PLD5: variants seen among roughly 807,000 people sequenced by gnomAD.
The protein encoded by PLD5 is inactive phospholipase D5.
In PLD5, 36 loss-of-function variants were observed where a neutral mutation model predicts 61.1. That is an observed-to-expected ratio of 0.59 (90% CI 0.45 to 0.78). PLD5 has a LOEUF of 0.78. Ranked by LOEUF, PLD5 falls within the 30% of genes least tolerant of loss-of-function variation. The pLI is 0.00. For synonymous variants in PLD5, 243 were observed against 242.8 expected (o/e 1.00, Z -0.01); for missense variants, 515 against 644.4 (o/e 0.80, Z 2.17).
chr1:242,524,259 G>A lies in PLD5; in HGVS notation c.18C>T (p.His6=). Reference sequence around the variant, plus strand: ...CATGGGGGGAGGCCGAGAGCCACTCGTGCTGCCGGATCTCCATCCTGACAT... The same window carrying A: ...CATGGGGGGAGGCCGAGAGCCACTCATGCTGCCGGATCTCCATCCTGACAT... MEIRQ[H]EWLSASPHEG... Residue 6 remains histidine (H), a synonymous_variant, in exon 1 of 10, where the codon CAC becomes CAT. Transcript: ENST00000536534. 1 of 1,487,534 alleles carries A rather than the reference G, an allele frequency of 6.7e-7. No homozygotes were observed. Among genetic ancestry groups the A allele is most frequent in the Non-Finnish European group, 8.9e-7 (1 of 1,123,296 alleles). The allele number at this position is 1,487,534 out of a possible 1,614,324, so 92.1% of individuals were successfully genotyped here.
intron 3 of PLD5, among the ~76,000 whole-genome samples, chr1:242,267,418 A>G (rs942729990): frequency 6.6e-6 from 1 of 152,178 alleles, no homozygotes; most frequent in African/African-American, 2.4e-5. Flanking sequence ...TGTGCCATGC[A>G]TGGAGGCTTC....
At chr1:242,351,858 CT>C (rs1184479476) in intron 1 of PLD5, among the ~76,000 whole-genome samples, 1 of 152,154 alleles carries the variant, frequency 6.6e-6, no homozygotes, top group African/African-American at 2.4e-5. Context: ...CATTTAGCAA[CT>C]ATATAAAACT....
At chr1:242,319,976 T>C (rs1252178002) in intron 2 of PLD5, among the ~76,000 whole-genome samples, 7 of 152,238 alleles carry the variant, frequency 4.6e-5, no homozygotes, top group Non-Finnish European at 1.0e-4. Flanking sequence ...CCTGCTTTTT[T>C]CCCTTTAAAT....
At chr1:242,354,519 C>T (rs1660647167) in intron 1 of PLD5, among the ~76,000 whole-genome samples, 1 of 152,142 alleles carries the variant, frequency 6.6e-6, no homozygotes, top group African/African-American at 2.4e-5. Context: ...AAGCCAAAAC[C>T]CTCCTGGACT....
At chr1:242,470,149 G>A (rs1667398442) in intron 1 of PLD5, among the ~76,000 whole-genome samples, 1 of 151,980 alleles carries the variant, frequency 6.6e-6, no homozygotes, top group Non-Finnish European at 1.5e-5. Flanking sequence ...AGACCATCCT[G>A]GCTAACACAG....
At chr1:242,284,105 T>C (rs1674872400) in intron 3 of PLD5, among the ~76,000 whole-genome samples, 1 of 135,746 alleles carries the variant, frequency 7.4e-6, no homozygotes, top group Non-Finnish European at 1.6e-5. Flanking sequence ...CTAAAAATAA[T>C]CTTTTTCTTT....
chr1:242,421,655 C>CA (rs1369995459), intron 1 of PLD5, among the ~76,000 whole-genome samples: 1 of 152,146 alleles, frequency 6.6e-6, no homozygotes, highest in Non-Finnish European at 1.5e-5. Context: ...ACGAAGCTTC[C>CA]ATGGGAAGTT....
intron 5 of PLD5, among the ~76,000 whole-genome samples, chr1:242,144,400 A>G (rs981350291): frequency 2.0e-5 from 3 of 152,182 alleles, no homozygotes; most frequent in Non-Finnish European, 2.9e-5. Flanking sequence ...CTAGAAGCAG[A>G]GTGTGGAAGA....
At chr1:242,271,178 G>GTA (rs1411995341) in intron 3 of PLD5, among the ~76,000 whole-genome samples, 2 of 27,424 alleles carry the variant, frequency 7.3e-5, no homozygotes, top group Non-Finnish European at 1.8e-4. Flanking sequence ...ACATGTGCAT[G>GTA]TACACACACA....
At chr1:242,414,236 C>A (rs1254208552) in intron 1 of PLD5, among the ~76,000 whole-genome samples, 1 of 152,034 alleles carries the variant, frequency 6.6e-6, no homozygotes, top group Non-Finnish European at 1.5e-5. Context: ...CTGTGAAACG[C>A]AAAAGGATTG....
intron 9 of PLD5, among the ~76,000 whole-genome samples, chr1:242,096,437 A>C (rs1660233675): frequency 6.7e-6 from 1 of 150,366 alleles, no homozygotes; most frequent in African/African-American, 2.4e-5. Flanking sequence ...TGCCTCCTGG[A>C]CTCAAGCGAT....
intron 2 of PLD5, among the ~76,000 whole-genome samples, chr1:242,288,800 C>A (rs1675180347): frequency 6.6e-6 from 1 of 152,170 alleles, no homozygotes; most frequent in Non-Finnish European, 1.5e-5. Context: ...TGTCCAGTTT[C>A]AATCTAGCCT....
chr1:242,352,750 A>G (rs1378294723), intron 1 of PLD5, among the ~76,000 whole-genome samples: 3 of 152,168 alleles, frequency 2.0e-5, no homozygotes, highest in African/African-American at 2.4e-5. Context: ...ACAGGTGTAA[A>G]GTAATATCTT....
chr1:242,382,530 G>A (rs908060608), intron 1 of PLD5, among the ~76,000 whole-genome samples: 1 of 152,152 alleles, frequency 6.6e-6, no homozygotes, highest in Non-Finnish European at 1.5e-5. Flanking sequence ...ATTTAACTCT[G>A]CCCCAAGTTG....
chr1:242,422,906 T>G (rs2149300864), intron 1 of PLD5, among the ~76,000 whole-genome samples: 1 of 150,370 alleles, frequency 6.7e-6, no homozygotes, highest in South Asian at 2.1e-4. Flanking sequence ...TTGGGTGCAG[T>G]GGCACAATCA....
chr1:242,441,037 A>C (rs946245558), intron 1 of PLD5, among the ~76,000 whole-genome samples: 3 of 152,232 alleles, frequency 2.0e-5, no homozygotes, highest in Admixed American at 6.5e-5. Flanking sequence ...AGTTACATTT[A>C]TGTGAGTTGT....
chr1:242,347,346 T>G (rs1314702144), intron 2 of PLD5, among the ~76,000 whole-genome samples: 3 of 152,190 alleles, frequency 2.0e-5, no homozygotes, highest in Non-Finnish European at 4.4e-5. Flanking sequence ...TAATTACTGT[T>G]GTAATTTAGT....
At chr1:242,104,069 G>C (rs1161605928) in intron 8 of PLD5, among the ~76,000 whole-genome samples, 1 of 152,138 alleles carries the variant, frequency 6.6e-6, no homozygotes, top group African/African-American at 2.4e-5. Context: ...GATCCTCAGG[G>C]ATATAATTCG....
intron 1 of PLD5, among the ~76,000 whole-genome samples, chr1:242,366,692 G>A (rs372407824): frequency 7.2e-5 from 11 of 152,000 alleles, no homozygotes; most frequent in Non-Finnish European, 1.2e-4. Flanking sequence ...TAAATTCAGC[G>A]TTGGATATGC....
Sources: gnomAD v4.1 joint callset for allele counts (sites outside exome capture counted in the v4.1 genomes callset) on GRCh38, gnomAD v4.1.1 for gene constraint, MANE v1.5 for transcripts, NCBI Gene and HGNC (gene_info 2026-07-23, HGNC 2026-07-21) for gene names.